FAM117A: variants seen among roughly 807,000 people sequenced by gnomAD.
The protein encoded by FAM117A is protein FAM117A.
In FAM117A, 21 loss-of-function variants were observed where a neutral mutation model predicts 44.1. The observed-to-expected ratio is 0.48, with a 90% confidence interval of 0.34 to 0.69. The LOEUF (loss-of-function observed/expected upper bound fraction) is 0.69, where lower values mean the gene tolerates loss of function less well. Ranked by LOEUF, FAM117A falls within the 30% of genes least tolerant of loss-of-function variation. The pLI is 0.01. For missense variants in FAM117A, 498 were observed against 589.9 expected, an observed-to-expected ratio of 0.84 and a Z score of 1.61; for synonymous variants, 220 against 238.3, an observed-to-expected ratio of 0.92 and a Z score of 0.71.
intron 1 of FAM117A, among the ~76,000 whole-genome samples, chr17:49,772,761 T>A (rs1443158703): frequency 6.6e-6 from 1 of 151,138 alleles, no homozygotes; most frequent in Non-Finnish European, 1.5e-5. Flanking sequence ...AAAAAAAAAA[T>A]CCAGTTCAAA....
In FAM117A at chr17:49,752,193, T is replaced by C. The variant is rs532781939; in HGVS notation, c.196+11699A>G. 1.5e-4 allele frequency among the ~76,000 whole-genome samples: 23 copies of C among 152,304 alleles called. No homozygotes were observed. In the East Asian group the frequency reaches 4.0e-3, roughly 27 times the overall value. On this transcript the variant is annotated intron_variant, in intron 1 of 7. Transcript: ENST00000240364. ...CCTCCAAGAAGTCAATTATCCGTGA[T>C]ACATAGTCCCTAGATGGAGCTTTCT...
chr17:49,771,177 G>A (rs1449387937), intron 1 of FAM117A, among the ~76,000 whole-genome samples: 1 of 152,110 alleles, frequency 6.6e-6, no homozygotes, highest in African/African-American at 2.4e-5. Flanking sequence ...ACTGCACTCC[G>A]GCCCAGGCAA....
At chr17:49,746,521 T>C (rs2073654930) in intron 1 of FAM117A, among the ~76,000 whole-genome samples, 1 of 152,166 alleles carries the variant, frequency 6.6e-6, no homozygotes, top group Non-Finnish European at 1.5e-5. Flanking sequence ...TAATGCAAGG[T>C]AGAATCAAGA....
chr17:49,775,722 TG>T lies in FAM117A; in HGVS notation c.-621+12774del, dbSNP rs1207611197. Among the ~76,000 whole-genome samples the T allele has an allele frequency of 3.3e-5, 5 of 152,276 alleles. No homozygotes were observed. The East Asian group carries it at 7.7e-4, about 24-fold the overall frequency. ...CTTCCATTCAACTTTGGCAAAGGCC[TG>T]GTAGTCTACAAAGTAGCCTGTATTC... On this transcript the variant is annotated intron_variant, in intron 1 of 7. Transcript: ENST00000513602.
Position 49,716,240 on chromosome 17 carries a change from C to T in FAM117A, c.986G>A (p.Arg329Gln), listed in dbSNP as rs2073502732. 10 of 1,612,196 alleles carry T rather than the reference C, an allele frequency of 6.2e-6. No individual in the cohort carries two copies. The East Asian group carries it at 6.7e-5, about 11-fold the overall frequency. ...TTTGAAGATGTAGCTATGATTAGGTCGAGGGGAGGCAGCAAAGGCAAGGAC... is the reference window on the plus strand; with the variant it reads ...TTTGAAGATGTAGCTATGATTAGGTTGAGGGGAGGCAGCAAAGGCAAGGAC... ...SPVLAFAASP[R>Q]PNHSYIFKRE... Residue 329 changes from arginine to glutamine, a missense_variant, in exon 7 of 8, where the codon CGA (arginine) becomes CAA (glutamine). Transcript: ENST00000240364.
At chr17:49,775,328 C>T (rs1055735017) in intron 1 of FAM117A, among the ~76,000 whole-genome samples, 15 of 152,222 alleles carry the variant, frequency 9.9e-5, no homozygotes, top group Admixed American at 2.6e-4. Flanking sequence ...AGCCCAGTTA[C>T]ATCCCACCCA....
intron 7 of FAM117A, among the ~76,000 whole-genome samples, chr17:49,715,597 G>C (rs2073498645): frequency 6.6e-6 from 1 of 152,134 alleles, no homozygotes. Context: ...AATCTGGTTT[G>C]GAAATTTTCC....
chr17:49,778,148 A>G (rs1415068584), intron 1 of FAM117A, among the ~76,000 whole-genome samples: 1 of 152,136 alleles, frequency 6.6e-6, no homozygotes, highest in Non-Finnish European at 1.5e-5. Flanking sequence ...ACCCTTCTTG[A>G]CCCTATTCAT....
intron 1 of FAM117A, among the ~76,000 whole-genome samples, chr17:49,736,260 CTTTTT>C (rs372494710): frequency 6.9e-6 from 1 of 144,032 alleles, no homozygotes; most frequent in Non-Finnish European, 1.5e-5. Context: ...GGCTCTCTTT[CTTTTT>C]TTTTTTTTTG....
At chr17:49,779,070 G>C (rs1389635184) in intron 1 of FAM117A, among the ~76,000 whole-genome samples, 2 of 152,184 alleles carry the variant, frequency 1.3e-5, no homozygotes, top group Admixed American at 1.3e-4. Flanking sequence ...TCCTGAGAAG[G>C]AAGAAACCTG....
intron 1 of FAM117A, among the ~76,000 whole-genome samples, chr17:49,776,511 C>T (rs1271322658): frequency 1.3e-5 from 2 of 152,146 alleles, no homozygotes; most frequent in East Asian, 1.9e-4. Context: ...TATGGAGGTG[C>T]GTCTAGAGGT....
chr17:49,721,815 C>T (rs895204427), intron 3 of FAM117A, among the ~76,000 whole-genome samples: 4 of 152,074 alleles, frequency 2.6e-5, no homozygotes, highest in Non-Finnish European at 4.4e-5. Context: ...TAGGGCTGGG[C>T]GTGGTGGCTC....
intron 1 of FAM117A, among the ~76,000 whole-genome samples, chr17:49,782,271 G>A (rs992588838): frequency 2.6e-5 from 4 of 151,242 alleles, no homozygotes; most frequent in African/African-American, 9.7e-5. Flanking sequence ...CAGCTACTCG[G>A]GAGGCTGAGG....
rs2073528547 is a variant in FAM117A at position 49,720,427 on chromosome 17, A to C, written c.472T>G (p.Leu158Val). 6.2e-7 allele frequency: 1 copy of C among 1,613,138 alleles called. No homozygotes were observed. The highest frequency in any genetic ancestry group is 8.5e-7 in the Non-Finnish European group (1 of 1,179,996). Residue 158 changes from leucine (L) to valine (V), a missense_variant, in exon 4 of 8, where the codon TTG (leucine) becomes GTG (valine). Physicochemically the swap from Leu to Val is conservative, Grantham distance 32. Around this residue, in one of 3 missense-constraint regions of FAM117A, gnomAD observed 270 missense variants for 277.4 expected, o/e 0.97. Coordinates refer to ENST00000240364, the MANE Select transcript of FAM117A (RefSeq NM_030802.4). Reference sequence around the variant, plus strand: ...TTCGTCCTCTGCAGTTGTTGCTTCAACTTGGAAATCTAGCAGCCCAGAGAG... The same window carrying C: ...TTCGTCCTCTGCAGTTGTTGCTTCACCTTGGAAATCTAGCAGCCCAGAGAG... ...STDHRKEISKLKQQLQRTKLS... is the reference protein window; with the variant it reads ...STDHRKEISKVKQQLQRTKLS...
chr17:49,747,315 A>G (rs1242206336), intron 1 of FAM117A: 2 of 152,166 alleles, frequency 1.3e-5, no homozygotes, highest in Non-Finnish European at 2.9e-5. Flanking sequence ...ATGACTGGGC[A>G]AGCTGGGAGT....
chr17:49,720,876 A>G (rs1034401343), intron 3 of FAM117A, among the ~76,000 whole-genome samples: 2 of 151,846 alleles, frequency 1.3e-5, no homozygotes, highest in African/African-American at 4.8e-5. Context: ...CATCACCCCC[A>G]GCTAATTTTT....
intron 1 of FAM117A, among the ~76,000 whole-genome samples, chr17:49,748,980 C>A (rs1167329228): frequency 6.6e-6 from 1 of 152,082 alleles, no homozygotes; most frequent in East Asian, 1.9e-4. Flanking sequence ...CTCCTTGGGC[C>A]CTGTGGTTAA....
At chr17:49,725,772 T>C (rs1249864869) in intron 2 of FAM117A, among the ~76,000 whole-genome samples, 1 of 152,224 alleles carries the variant, frequency 6.6e-6, no homozygotes, top group Non-Finnish European at 1.5e-5. Context: ...CCTTGTATAG[T>C]AACGTTTTTG....
At chr17:49,729,147 A>C (rs890802477) in intron 2 of FAM117A, among the ~76,000 whole-genome samples, 1 of 152,236 alleles carries the variant, frequency 6.6e-6, no homozygotes, top group Non-Finnish European at 1.5e-5. Flanking sequence ...ATGCCCGGCT[A>C]TCTAGACAGC....
Sources: gnomAD v4.1 joint callset for allele counts (sites outside exome capture counted in the v4.1 genomes callset) on GRCh38, gnomAD v4.1.1 for gene constraint, gnomAD v4.1.1 regional missense constraint, MANE v1.5 for transcripts, NCBI Gene and HGNC (gene_info 2026-07-23, HGNC 2026-07-21) for gene names.